The following ANO3 variants were observed in gnomAD, a reference collection of about 807,000 sequenced individuals.
ANO3 encodes anoctamin 3.
Under a neutral mutation model 144.8 loss-of-function variants are expected in ANO3, and 99 were observed. That is an observed-to-expected ratio of 0.68 (90% CI 0.58 to 0.81). The LOEUF (loss-of-function observed/expected upper bound fraction) is 0.81. Among genes scored for constraint, ANO3 ranks in the 30% least tolerant of loss-of-function variants. The pLI is 0.00. For synonymous variants in ANO3, 414 were observed against 392.6 expected (o/e 1.05, Z -0.64); for missense variants, 905 against 1,202.2 (o/e 0.75, Z 3.66).
At chr11:26,392,235 C>T (rs1488491050) in intron 1 of ANO3, among the ~76,000 whole-genome samples, 1 of 136,144 alleles carries the variant, frequency 7.3e-6, no homozygotes, top group African/African-American at 2.8e-5. Context: ...TGGTGAATTC[C>T]TGCCTTTTTT....
At position 26,267,176 on chromosome 11, in the gene ANO3, G is replaced by T. The variant is rs550570600; in HGVS notation, c.155-42469G>T. Among the ~76,000 whole-genome samples, 3 of 150,722 alleles carry T rather than the reference G, an allele frequency of 2.0e-5. 1 individual carries two copies. The South Asian group carries it at 6.3e-4, about 32-fold the overall frequency. ...GGGCATGTATGAGAAGGACCTTCAC[G>T]CACGCACGCACACACACACACACAC... On this transcript the variant is annotated intron_variant, in intron 1 of 27. Transcript: ENST00000672621.
At chr11:26,537,761 C>A (rs1020980947) in intron 10 of ANO3, among the ~76,000 whole-genome samples, 1 of 152,190 alleles carries the variant, frequency 6.6e-6, no homozygotes, top group Non-Finnish European at 1.5e-5. Flanking sequence ...TTGAGATCAG[C>A]ACCATTCCAA....
At chr11:26,315,704 TCTATCTACCTACCTAC>T (rs1465143185) in intron 1 of ANO3, among the ~76,000 whole-genome samples, 34 of 150,640 alleles carry the variant, frequency 2.3e-4, no homozygotes, top group African/African-American at 7.3e-4. Context: ...TATCTATCTA[TCTATCTACCTACCTAC>T]CTATCTACCT....
intron 20 of ANO3, 52 bp downstream of exon 20, chr11:26,635,122 T>A: frequency 1.3e-6 from 2 of 1,507,716 alleles, no homozygotes; most frequent in Non-Finnish European, 1.8e-6. Context: ...TATGGGCCAG[T>A]TACTGCGGGA....
intron 17 of ANO3, among the ~76,000 whole-genome samples, chr11:26,621,768 A>G (rs180818463): frequency 1.3e-5 from 2 of 152,180 alleles, no homozygotes; most frequent in East Asian, 1.9e-4. Context: ...TATAATGAAT[A>G]TATTAATTAA....
At chr11:26,218,484 C>T (rs918026521) in intron 1 of ANO3, among the ~76,000 whole-genome samples, 1 of 152,204 alleles carries the variant, frequency 6.6e-6, no homozygotes, top group Admixed American at 6.5e-5. Flanking sequence ...TTCTTCTCTG[C>T]TTCTTTACTT....
chr11:26,414,403 T>A (rs1273784698), intron 1 of ANO3, among the ~76,000 whole-genome samples: 1 of 152,008 alleles, frequency 6.6e-6, no homozygotes, highest in African/African-American at 2.4e-5. Flanking sequence ...TGGAATACTA[T>A]GAAGCTATAA....
chr11:26,495,725 T>A (rs1191640933), intron 4 of ANO3, among the ~76,000 whole-genome samples: 1 of 152,168 alleles, frequency 6.6e-6, no homozygotes, highest in Non-Finnish European at 1.5e-5. Flanking sequence ...GGAAAGTAAT[T>A]TCCTGCAAAC....
intron 13 of ANO3, 37 bp from the exon 14 acceptor site, chr11:26,559,682 T>G: frequency 6.7e-7 from 1 of 1,487,258 alleles, no homozygotes; most frequent in Non-Finnish European, 9.4e-7. Flanking sequence ...TTATAATCAA[T>G]TTGCATGACT....
At chr11:26,626,198 C>A (rs1481494604) in intron 18 of ANO3, among the ~76,000 whole-genome samples, 1 of 152,064 alleles carries the variant, frequency 6.6e-6, no homozygotes, top group Non-Finnish European at 1.5e-5. Context: ...TTGGTGAAAA[C>A]CTTTTATCAT....
chr11:26,521,848 C>G (rs886259862), intron 6 of ANO3, among the ~76,000 whole-genome samples: 2 of 152,156 alleles, frequency 1.3e-5, no homozygotes, highest in African/African-American at 4.8e-5. Flanking sequence ...CTCTTTCTCC[C>G]ACAAATATTT....
chr11:26,509,761 T>TG (rs1861584653), intron 5 of ANO3, among the ~76,000 whole-genome samples: 1 of 152,184 alleles, frequency 6.6e-6, no homozygotes, highest in Non-Finnish European at 1.5e-5. Context: ...GGAATCCCTT[T>TG]ACCCCCACAG....
rs1376308492 is a variant in ANO3 at position 26,283,317 on chromosome 11, AATAAATATATATATAT to A, written c.155-26324_155-26309del. Reference sequence around the variant, plus strand: ...CATATCTTACCAAAATAAACAAATAAATAAATATATATATATATATATATATATATATATATATATA... The same window carrying A: ...CATATCTTACCAAAATAAACAAATAAATATATATATATATATATATATATA... On this transcript the variant is annotated intron_variant, in intron 1 of 27. Transcript: ENST00000672621. Among the ~76,000 whole-genome samples the A allele has an allele frequency of 1.5e-3, 114 of 77,592 alleles. 5 individuals carry two copies. The highest frequency in any genetic ancestry group is 5.8e-3 in the East Asian group (14 of 2,398). The allele number at this position is 77,592 out of a possible 152,430, so 50.9% of individuals were successfully genotyped here.
intron 1 of ANO3, among the ~76,000 whole-genome samples, chr11:26,344,421 A>G (rs1041570135): frequency 6.9e-6 from 1 of 145,896 alleles, no homozygotes; most frequent in Non-Finnish European, 1.5e-5. Flanking sequence ...GCTGGAGTGC[A>G]GTGGCACGAT....
rs541018593 is a variant in ANO3, at chr11:26,648,993, A to C, written c.2576+1137A>C. ...TTTCAGATAGGTGATAAAGGGATGG[A>C]TATTTCCTTTATGTATTGCATATCG... On this transcript the variant is annotated intron_variant, in intron 24 of 26. Transcript: ENST00000256737. Among the ~76,000 whole-genome samples, 3 of 152,328 alleles carry C rather than the reference A, an allele frequency of 2.0e-5. No homozygotes were observed. The East Asian group carries it at 5.8e-4, about 29-fold the overall frequency.
At chr11:26,286,911 G>C (rs11029477) in intron 1 of ANO3, among the ~76,000 whole-genome samples, 3,260 of 151,910 alleles carry the variant, frequency 0.021, 59 homozygotes, top group East Asian at 0.12. Flanking sequence ...TCTGCTTAAT[G>C]TGTTTTCTTT....
At chr11:26,603,740 A>AG (rs1851862086) in intron 17 of ANO3, among the ~76,000 whole-genome samples, 1 of 152,194 alleles carries the variant, frequency 6.6e-6, no homozygotes, top group Non-Finnish European at 1.5e-5. Flanking sequence ...CTCAATAGTG[A>AG]GAAAAAATGT....
chr11:26,508,146 G>A lies in ANO3; in HGVS notation c.475G>A (p.Asp159Asn), dbSNP rs1861509498. 6.3e-7 allele frequency: 1 copy of A among 1,595,126 alleles called. No individual in the cohort carries two copies. Among genetic ancestry groups the A allele is most frequent in the African/African-American group, 1.4e-5 (1 of 73,630 alleles). ...AGCATCCAGTGGACCTCTGTTCAAAGATGGCAAAAAGAGAATTGATTACAT... is the reference window on the plus strand; with the variant it reads ...AGCATCCAGTGGACCTCTGTTCAAAAATGGCAAAAAGAGAATTGATTACAT... ...YIASSGPLFK[D>N]GKKRIDYILV... is the part of the protein sequence containing the mutation. Residue 159 changes from aspartate (D) to asparagine (N), a missense_variant, in exon 5 of 27, where the codon GAT becomes AAT. By Grantham distance (23) the Asp-to-Asn change is conservative. Coordinates refer to ENST00000256737, the MANE Select transcript of ANO3 (RefSeq NM_031418.4).
intron 6 of ANO3, among the ~76,000 whole-genome samples, chr11:26,518,108 A>G (rs1861928592): frequency 6.6e-6 from 1 of 152,094 alleles, no homozygotes; most frequent in South Asian, 2.1e-4. Flanking sequence ...AAAGGAAATA[A>G]TATTCTTTCC....
Sources: allele counts gnomAD v4.1 joint callset (sites outside exome capture counted in the v4.1 genomes callset), GRCh38; gene constraint gnomAD v4.1.1; transcripts MANE v1.5; gene names NCBI Gene and HGNC (gene_info 2026-07-23, HGNC 2026-07-21).